Variants in PSD3 observed in about 807,000 individuals in gnomAD.
The protein encoded by PSD3 is PH and SEC7 domain-containing protein 3.
Under a neutral mutation model 105.5 loss-of-function variants are expected in PSD3, and 49 were observed. That is an observed-to-expected ratio of 0.46 (90% confidence interval 0.37 to 0.59). The LOEUF (loss-of-function observed/expected upper bound fraction) is 0.59. Ranked by LOEUF, PSD3 falls within the 20% of genes least tolerant of loss-of-function variation. The pLI is 0.00. For synonymous variants in PSD3, 557 were observed against 457.8 expected, an observed-to-expected ratio of 1.22 and a Z score of -2.77; for missense variants, 1,561 against 1,263.8, an observed-to-expected ratio of 1.24 and a Z score of -3.57.
chr8:18,965,564 A>G (rs1191535492), intron 1 of PSD3, among the ~76,000 whole-genome samples: 1 of 152,230 alleles, frequency 6.6e-6, no homozygotes, highest in Non-Finnish European at 1.5e-5. Flanking sequence ...CAAGGTTTAA[A>G]CAATGCTCTC....
At chr8:18,674,241 G>C (rs1799949641) in intron 9 of PSD3, among the ~76,000 whole-genome samples, 1 of 152,210 alleles carries the variant, frequency 6.6e-6, no homozygotes, top group African/African-American at 2.4e-5. Flanking sequence ...AGGCTTTAAA[G>C]GGCTGTCCTC....
chr8:18,561,529 C>A (rs747643947), intron 14 of PSD3, among the ~76,000 whole-genome samples: 3 of 152,068 alleles, frequency 2.0e-5, no homozygotes, highest in Non-Finnish European at 4.4e-5. Context: ...GGAATAAATT[C>A]TGTTGTGTAT....
chr8:18,687,065 C>G (rs956599350), intron 9 of PSD3, among the ~76,000 whole-genome samples: 7 of 152,164 alleles, frequency 4.6e-5, no homozygotes, highest in Admixed American at 2.0e-4. Context: ...AAAACAGAAC[C>G]TGGTGAAGAG....
At chr8:18,836,902 A>AG (rs11400197) in intron 4 of PSD3, among the ~76,000 whole-genome samples, 44,191 of 151,200 alleles carry the variant, frequency 0.29, 6,699 homozygotes, top group Non-Finnish European at 0.3. Flanking sequence ...ACTCACAGAT[A>AG]CCAGGGCTGA....
intron 10 of PSD3, among the ~76,000 whole-genome samples, chr8:18,636,136 A>C (rs544166518): frequency 6.6e-6 from 1 of 152,232 alleles, no homozygotes; most frequent in South Asian, 2.1e-4. Context: ...GGGACAATAC[A>C]TGAGGCGAAA....
At chr8:18,715,618 C>T (rs757393822) in intron 9 of PSD3, among the ~76,000 whole-genome samples, 6 of 152,156 alleles carry the variant, frequency 3.9e-5, no homozygotes, top group Non-Finnish European at 5.9e-5. Context: ...AAAGCAAAAT[C>T]GCTTGGAAGT....
At chr8:18,633,453 C>G (rs186021142) in intron 10 of PSD3, among the ~76,000 whole-genome samples, 2 of 152,224 alleles carry the variant, frequency 1.3e-5, no homozygotes, top group Admixed American at 1.3e-4. Context: ...TTGTTCCCAT[C>G]TTTATGTCCA....
intron 9 of PSD3, among the ~76,000 whole-genome samples, chr8:18,661,479 A>G (rs990201027): frequency 6.6e-6 from 1 of 152,334 alleles, no homozygotes; most frequent in East Asian, 1.9e-4. Flanking sequence ...AAATATCAAA[A>G]TGGTTAGAAA....
chr8:18,534,599 A>T lies in PSD3; in HGVS notation c.*1144T>A, dbSNP rs1186481222. The stretch of plus-strand genomic sequence containing the variant: ...GTCACTTTGCACCTGCAACCAGAAG[A>T]TTCCTCAGTTTTCCAACCATAATTC... On this transcript the variant is annotated 3_prime_UTR_variant, in exon 16 of 16. Coordinates refer to ENST00000327040, the MANE Select transcript of PSD3 (RefSeq NM_015310.4). 13 of 152,194 alleles carry T rather than the reference A, an allele frequency of 8.5e-5. No homozygotes were observed. The allele number at this position is 152,194 out of a possible 1,614,324, so 9.4% of individuals were successfully genotyped here. A position where few individuals can be genotyped will look rare whatever the true frequency, so the allele number is the denominator to read the frequency against.
intron 11 of PSD3, among the ~76,000 whole-genome samples, chr8:18,623,930 T>C (rs1563391715): frequency 6.6e-6 from 1 of 152,202 alleles, no homozygotes; most frequent in Non-Finnish European, 1.5e-5. Flanking sequence ...GCCGCTTTTT[T>C]TCATTCAACA....
chr8:19,074,605 ATATATATTTTTTTT>A (rs1563546566), intron 1 of PSD3, among the ~76,000 whole-genome samples: 1,572 of 18,374 alleles, frequency 0.086, 53 homozygotes, highest in East Asian at 0.26. Flanking sequence ...ATATATATAT[ATATATATTTTTTTT>A]TTTTTTTTTT....
intron 2 of PSD3, among the ~76,000 whole-genome samples, chr8:18,903,943 A>C (rs904750372): frequency 6.6e-6 from 1 of 152,042 alleles, no homozygotes; most frequent in African/African-American, 2.4e-5. Flanking sequence ...GGAGAGGGGT[A>C]GGTGATGTGG....
chr8:18,996,376 T>A (rs1193669504), intron 1 of PSD3, among the ~76,000 whole-genome samples: 1 of 151,914 alleles, frequency 6.6e-6, no homozygotes, highest in African/African-American at 2.4e-5. Flanking sequence ...AGGGACTCCC[T>A]GAGGTTGAAC....
chr8:18,615,743 G>GT (rs1805611469), intron 11 of PSD3, among the ~76,000 whole-genome samples: 1 of 152,172 alleles, frequency 6.6e-6, no homozygotes, highest in Admixed American at 6.5e-5. Flanking sequence ...AGAAGGGCAG[G>GT]TAACTGCTGA....
At chr8:19,049,910 C>G (rs1828460662) in intron 1 of PSD3, among the ~76,000 whole-genome samples, 1 of 152,030 alleles carries the variant, frequency 6.6e-6, no homozygotes, top group Non-Finnish European at 1.5e-5. Flanking sequence ...AACTGACAAA[C>G]CCATTAATAA....
At chr8:18,848,182 T>C (rs544289033) in intron 4 of PSD3, among the ~76,000 whole-genome samples, 1 of 152,296 alleles carries the variant, frequency 6.6e-6, no homozygotes, top group African/African-American at 2.4e-5. Flanking sequence ...GAAGTAACTT[T>C]CTCTAAAAGA....
intron 1 of PSD3, among the ~76,000 whole-genome samples, chr8:19,035,740 A>G (rs934086051): frequency 7.3e-5 from 11 of 150,216 alleles, no homozygotes; most frequent in African/African-American, 2.7e-4. Flanking sequence ...TCCCAATGAA[A>G]ACAGGTATAC....
In PSD3 at chr8:19,074,591, A is replaced by C; in HGVS notation, c.324+9615T>G. On this transcript the variant is annotated intron_variant, in intron 1 of 1. Coordinates refer to the PSD3 transcript ENST00000521475. ...GTATAATTTTACAACTCAGATATAT[A>C]CATATATATATATATATATATTTTT... Among the ~76,000 whole-genome samples, 4 of 9,204 alleles carry C rather than the reference A, an allele frequency of 4.3e-4. 2 individuals are homozygous for C. Among genetic ancestry groups the C allele is most frequent in the African/African-American group, 6.2e-4 (4 of 6,452 alleles). 6.0% of individuals were successfully genotyped at this position (9,204 alleles called of 152,430 possible).
chr8:18,726,191 A>AT (rs1803322634), intron 9 of PSD3, among the ~76,000 whole-genome samples: 1 of 152,244 alleles, frequency 6.6e-6, no homozygotes, highest in Non-Finnish European at 1.5e-5. Flanking sequence ...TTTAAAAATC[A>AT]TATGAATCAC....
Sources: gnomAD v4.1 joint callset for allele counts (sites outside exome capture counted in the v4.1 genomes callset) on GRCh38, gnomAD v4.1.1 for gene constraint, MANE v1.5 for transcripts, NCBI Gene and HGNC (gene_info 2026-07-23, HGNC 2026-07-21) for gene names.